Variants in NKAIN2 observed in about 807,000 individuals in gnomAD.
NKAIN2 encodes the protein sodium/potassium-transporting ATPase subunit beta-1-interacting protein 2.
In NKAIN2, 14 loss-of-function variants were observed where a neutral mutation model predicts 32.6. The observed-to-expected ratio is 0.43, with a 90% CI of 0.28 to 0.67. NKAIN2 has a LOEUF of 0.67. NKAIN2 is among the 30% of genes least tolerant of loss of function. The probability of loss-of-function intolerance (pLI) is 0.17; values close to 1 mark genes in which losing one functional copy is unlikely to be tolerated. For missense variants in NKAIN2, 198 were observed against 258.3 expected (o/e 0.77, Z 1.60); for synonymous variants, 80 against 87.2 (o/e 0.92, Z 0.46).
At chr6:123,968,132 G>A (rs1381612890) in intron 1 of NKAIN2, among the ~76,000 whole-genome samples, 1 of 152,128 alleles carries the variant, frequency 6.6e-6, no homozygotes, top group African/African-American at 2.4e-5. Flanking sequence ...TGGAATTCTC[G>A]CCCAACTTTT....
At chr6:124,387,036 C>T (rs758488478) in intron 3 of NKAIN2, among the ~76,000 whole-genome samples, 2 of 152,104 alleles carry the variant, frequency 1.3e-5, no homozygotes, top group Non-Finnish European at 2.9e-5. Flanking sequence ...CCTTTTCATA[C>T]ATGTCCTAAG....
At chr6:123,888,378 A>C (rs1773829796) in intron 1 of NKAIN2, among the ~76,000 whole-genome samples, 1 of 152,000 alleles carries the variant, frequency 6.6e-6, no homozygotes, top group Non-Finnish European at 1.5e-5. Context: ...GCCTCTTTTG[A>C]ATTGATGGTT....
At chr6:124,526,485 G>A (rs1779318164) in intron 3 of NKAIN2, among the ~76,000 whole-genome samples, 1 of 152,036 alleles carries the variant, frequency 6.6e-6, no homozygotes, top group African/African-American at 2.4e-5. Flanking sequence ...AATTGCTACT[G>A]GGGTATAAGA....
At chr6:123,876,778 T>C (rs1773191281) in intron 1 of NKAIN2, among the ~76,000 whole-genome samples, 1 of 152,236 alleles carries the variant, frequency 6.6e-6, no homozygotes, top group Admixed American at 6.5e-5. Flanking sequence ...CATCTGCTTT[T>C]CTCAGTCCAC....
intron 1 of NKAIN2, among the ~76,000 whole-genome samples, chr6:124,142,472 A>G (rs558359089): frequency 9.8e-5 from 15 of 152,348 alleles, no homozygotes; most frequent in African/African-American, 2.9e-4. Context: ...TTTAGAGTGA[A>G]AAAGCCCACA....
intron 1 of NKAIN2, among the ~76,000 whole-genome samples, chr6:124,123,127 A>G (rs1370503500): frequency 6.6e-6 from 1 of 152,040 alleles, no homozygotes. Flanking sequence ...GTAAGCTGTT[A>G]CTGGATTGCC....
At chr6:124,250,656 T>C (rs1793654595) in intron 1 of NKAIN2, among the ~76,000 whole-genome samples, 1 of 151,986 alleles carries the variant, frequency 6.6e-6, no homozygotes, top group Non-Finnish European at 1.5e-5. Flanking sequence ...GAGAGAATTA[T>C]CAATAACATA....
At chr6:124,198,924 A>ATT (rs1473772594) in intron 1 of NKAIN2, among the ~76,000 whole-genome samples, 1 of 151,956 alleles carries the variant, frequency 6.6e-6, no homozygotes, top group African/African-American at 2.4e-5. Context: ...GCCTATTTTT[A>ATT]TTGTTTGGTT....
intron 1 of NKAIN2, among the ~76,000 whole-genome samples, chr6:123,943,814 T>C (rs953981717): frequency 5.9e-5 from 9 of 152,052 alleles, no homozygotes; most frequent in African/African-American, 2.2e-4. Context: ...AGATATTTTA[T>C]AAGGGTCAGA....
chr6:124,466,062 G>T (rs1428734838), intron 3 of NKAIN2, among the ~76,000 whole-genome samples: 3 of 151,752 alleles, frequency 2.0e-5, no homozygotes, highest in Admixed American at 2.0e-4. Flanking sequence ...AATCTTTATT[G>T]AAGGGATCAC....
intron 3 of NKAIN2, among the ~76,000 whole-genome samples, chr6:124,470,097 AGTGAGGGTGG>A (rs2114670360): frequency 1.3e-5 from 2 of 152,232 alleles, no homozygotes; most frequent in South Asian, 4.1e-4. Context: ...GCAGGTCATG[AGTGAGGGTGG>A]TGGATGCTGT....
intron 1 of NKAIN2, among the ~76,000 whole-genome samples, chr6:123,992,490 A>G (rs1779451998): frequency 6.6e-6 from 1 of 152,244 alleles, no homozygotes; most frequent in Admixed American, 6.5e-5. Flanking sequence ...TGAAAGTATT[A>G]AAGTGTAAAA....
intron 1 of NKAIN2, among the ~76,000 whole-genome samples, chr6:123,909,612 C>G (rs892730648): frequency 6.6e-6 from 1 of 152,198 alleles, no homozygotes; most frequent in African/African-American, 2.4e-5. Context: ...CCACCCAACC[C>G]AGCTTCTCTT....
At position 123,836,977 on chromosome 6, in the gene NKAIN2, A is replaced by G. The variant is rs914400975; in HGVS notation, c.54+32723A>G. Among the ~76,000 whole-genome samples, 67 of 152,188 alleles carry G rather than the reference A, an allele frequency of 4.4e-4. 1 individual carries two copies. Among genetic ancestry groups the G allele is most frequent in the Admixed American group, 2.8e-3 (43 of 15,276 alleles). ...GATCAACAAATGAGTGAATGTTGAC[A>G]TATTAGAATATGCTCTGATGTTACA... On this transcript the variant is annotated intron_variant, in intron 1 of 6. Coordinates refer to ENST00000368417, the MANE Select transcript of NKAIN2 (RefSeq NM_001040214.3).
chr6:124,153,232 T>C (rs2114404363), intron 1 of NKAIN2, among the ~76,000 whole-genome samples: 1 of 151,998 alleles, frequency 6.6e-6, no homozygotes, highest in Non-Finnish European at 1.5e-5. Context: ...AAATTCTATC[T>C]ATGTATCAAA....
intron 3 of NKAIN2, among the ~76,000 whole-genome samples, chr6:124,516,800 G>A (rs1381825717): frequency 6.6e-6 from 1 of 152,144 alleles, no homozygotes; most frequent in East Asian, 1.9e-4. Flanking sequence ...TTCAAACTGA[G>A]TCACCTTCAC....
intron 6 of NKAIN2, among the ~76,000 whole-genome samples, chr6:124,820,995 T>G (rs1266924584): frequency 1.3e-5 from 2 of 152,148 alleles, no homozygotes; most frequent in Non-Finnish European, 2.9e-5. Context: ...ACTATATTTA[T>G]GCTCAAGAGT....
chr6:124,444,159 G>A (rs1437444078), intron 3 of NKAIN2, among the ~76,000 whole-genome samples: 3 of 151,962 alleles, frequency 2.0e-5, no homozygotes, highest in African/African-American at 7.2e-5. Flanking sequence ...TTATTGATTC[G>A]ATAGTTGATA....
chr6:124,387,658 A>T (rs1348438221), intron 3 of NKAIN2, among the ~76,000 whole-genome samples: 1 of 152,122 alleles, frequency 6.6e-6, no homozygotes, highest in African/African-American at 2.4e-5. Context: ...GCGTGCTACC[A>T]GCTAAATCTA....
Sources: gnomAD v4.1 joint callset for allele counts (sites outside exome capture counted in the v4.1 genomes callset) on GRCh38, gnomAD v4.1.1 for gene constraint, MANE v1.5 for transcripts, NCBI Gene and HGNC (gene_info 2026-07-23, HGNC 2026-07-21) for gene names.